Variants in PYY observed in about 807,000 individuals in gnomAD.
The protein encoded by PYY is peptide YY, also known as peptide tyrosine tyrosine.
In PYY, 12 loss-of-function variants were observed where a neutral mutation model predicts 10.3. That is an observed-to-expected ratio of 1.17 (90% CI 0.75 to 1.89). The LOEUF is 1.89. Among genes scored for constraint, PYY ranks in the 40% most tolerant of loss-of-function variants. The pLI is 0.00. For missense variants in PYY, 141 were observed against 134.0 expected (o/e 1.05, Z -0.26); for synonymous variants, 66 against 62.0 (o/e 1.06, Z -0.30).
At chr17:43,972,825 T>C (rs1353632657) in intron 1 of PYY, among the ~76,000 whole-genome samples, 1 of 151,804 alleles carries the variant, frequency 6.6e-6, no homozygotes, top group African/African-American at 2.4e-5. Context: ...CAAGCGATTC[T>C]CCTGCCTCAG....
At chr17:43,955,565 G>A (rs1348478859), upstream of PYY, among the ~76,000 whole-genome samples, 3 of 152,140 alleles carry the variant, frequency 2.0e-5, no homozygotes, top group Non-Finnish European at 2.9e-5. Context: ...CCAGGACAAG[G>A]GGACATAGAT....
intron 1 of PYY, among the ~76,000 whole-genome samples, chr17:43,980,026 C>G (rs1251128376): frequency 6.6e-6 from 1 of 152,094 alleles, no homozygotes; most frequent in African/African-American, 2.4e-5. Context: ...ATTACAAGCC[C>G]CTAGGAAGTC....
chr17:43,992,865 G>A (rs1036566813), intron 1 of PYY, among the ~76,000 whole-genome samples: 3 of 152,006 alleles, frequency 2.0e-5, no homozygotes, highest in Non-Finnish European at 2.9e-5. Flanking sequence ...AGGGCTGCCC[G>A]CAACCACACA....
intron 1 of PYY, among the ~76,000 whole-genome samples, chr17:43,991,075 G>A (rs557171118): frequency 3.3e-5 from 5 of 151,560 alleles, no homozygotes; most frequent in South Asian, 2.1e-4. Flanking sequence ...GAGCCACCGC[G>A]CCCGGCCTAG....
chr17:43,965,756 C>A (rs2048750355), intron 2 of PYY, among the ~76,000 whole-genome samples: 1 of 134,078 alleles, frequency 7.5e-6, no homozygotes, highest in Non-Finnish European at 1.5e-5. Flanking sequence ...CCACCACACT[C>A]CAGCCTGGGC....
At chr17:43,993,131 T>A (rs1271423783) in intron 1 of PYY, among the ~76,000 whole-genome samples, 1 of 152,100 alleles carries the variant, frequency 6.6e-6, no homozygotes. Context: ...CTAGTCAACA[T>A]GGCAAAACCC....
At chr17:43,989,218 C>CAA in intron 1 of PYY, among the ~76,000 whole-genome samples, 1 of 151,902 alleles carries the variant, frequency 6.6e-6, no homozygotes, top group Non-Finnish European at 1.5e-5. Context: ...GCTAAAAATA[C>CAA]AAAAAATTAG....
At chr17:43,978,326 G>A (rs1178755826) in intron 1 of PYY, among the ~76,000 whole-genome samples, 1 of 150,418 alleles carries the variant, frequency 6.6e-6, no homozygotes, top group Admixed American at 6.7e-5. Context: ...AGGAAGGGAA[G>A]GGAAGAAAAG....
At chr17:43,976,124 T>TATATGTATACATATATGTATATATAC (rs2048833648) in intron 1 of PYY, among the ~76,000 whole-genome samples, 2 of 116,582 alleles carry the variant, frequency 1.7e-5, no homozygotes, top group Non-Finnish European at 3.5e-5. Flanking sequence ...TGTATACGTA[T>TATATGTATACATATATGTATATATAC]ATATGTATAC....
intron 1 of PYY, among the ~76,000 whole-genome samples, chr17:43,989,775 C>T (rs2048940179): frequency 7.2e-6 from 1 of 138,304 alleles, no homozygotes; most frequent in African/African-American, 2.8e-5. Context: ...CCACCGCACT[C>T]CAGCCTGGGA....
intron 2 of PYY, among the ~76,000 whole-genome samples, chr17:43,959,575 G>T (rs900179927): frequency 2.0e-5 from 3 of 152,214 alleles, no homozygotes; most frequent in African/African-American, 7.2e-5. Flanking sequence ...CCAGCTACTT[G>T]CGAGACTGAG....
intron 1 of PYY, among the ~76,000 whole-genome samples, chr17:43,973,531 C>T (rs369279016): frequency 2.0e-5 from 3 of 152,194 alleles, no homozygotes; most frequent in East Asian, 1.9e-4. Flanking sequence ...TGGTTGCTCA[C>T]GTCTGTAATC....
intron 1 of PYY, among the ~76,000 whole-genome samples, chr17:43,993,514 T>C (rs1375220389): frequency 6.6e-6 from 1 of 150,794 alleles, no homozygotes; most frequent in Non-Finnish European, 1.5e-5. Context: ...TCATCCCAGC[T>C]ACTCAGGTGG....
Position 43,953,807 on chromosome 17 carries a change from A to T in PYY, c.-1+43T>A, listed in dbSNP as rs571868032. On this transcript the variant is annotated intron_variant, in intron 1 of 3. Transcript: ENST00000692052. Reference sequence around the variant, plus strand: ...CCATCCCAGCCTCAGTTTCCCCACAAAACAGCCTGGGTTTCCCCAGGCTTG... The same window carrying T: ...CCATCCCAGCCTCAGTTTCCCCACATAACAGCCTGGGTTTCCCCAGGCTTG... 185 of 217,018 alleles carry T rather than the reference A, an allele frequency of 8.5e-4. 3 individuals carry two copies. Among genetic ancestry groups the T allele is most frequent in the Non-Finnish European group, 1.4e-3 (149 of 109,202 alleles). The allele number at this position is 217,018 out of a possible 1,614,324, so 13.4% of individuals were successfully genotyped here.
chr17:44,003,711 A>T (rs2049048635), intron 1 of PYY, among the ~76,000 whole-genome samples: 1 of 150,848 alleles, frequency 6.6e-6, no homozygotes, highest in Non-Finnish European at 1.5e-5. Context: ...GGTCGAGTGA[A>T]GTAGCTCACA....
At chr17:43,973,120 G>A (rs1325707291) in intron 1 of PYY, among the ~76,000 whole-genome samples, 1 of 152,014 alleles carries the variant, frequency 6.6e-6, no homozygotes, top group African/African-American at 2.4e-5. Context: ...TTACAGATGT[G>A]GGCCACAGCA....
In PYY at chr17:44,001,033, C is replaced by T. The variant is rs7214442; in HGVS notation, c.-463+3358G>A. Reference sequence around the variant, plus strand: ...TTTGTACACCCGTGTGTCTACACATCGTTTATCTGTTTGCATCTCAATGCT... The same window carrying T: ...TTTGTACACCCGTGTGTCTACACATTGTTTATCTGTTTGCATCTCAATGCT... On this transcript the variant is annotated intron_variant, in intron 1 of 6. Transcript: ENST00000360085. Among the ~76,000 whole-genome samples, 462 of 152,156 alleles carry T rather than the reference C, an allele frequency of 3.0e-3. 2 individuals are homozygous for T. The highest frequency in any genetic ancestry group is 0.01 in the African/African-American group (435 of 41,498).
upstream of PYY, among the ~76,000 whole-genome samples, chr17:43,954,147 C>A (rs559259460): frequency 6.6e-6 from 1 of 152,314 alleles, no homozygotes; most frequent in African/African-American, 2.4e-5. Flanking sequence ...CGTGGTCTCA[C>A]TGGATGGGGT....
upstream of PYY, among the ~76,000 whole-genome samples, chr17:43,955,387 T>G (rs564198788): frequency 9.9e-5 from 15 of 152,200 alleles, no homozygotes; most frequent in Non-Finnish European, 2.2e-4. Flanking sequence ...GGCGCTATTT[T>G]TAGAGCTCTC....
Sources: allele counts gnomAD v4.1 joint callset (sites outside exome capture counted in the v4.1 genomes callset), GRCh38; gene constraint gnomAD v4.1.1; transcripts MANE v1.5; gene names NCBI Gene and HGNC (gene_info 2026-07-23, HGNC 2026-07-21).